The following SEPTIN2 variants were observed in gnomAD, a reference collection of about 807,000 sequenced individuals.
SEPTIN2 encodes the protein septin 2.
A neutral mutation model predicts 46.5 loss-of-function variants in SEPTIN2; 34 were observed. The observed-to-expected ratio is 0.73, with a 90% CI of 0.56 to 0.97. The LOEUF is 0.97. Ranked by LOEUF, SEPTIN2 falls within the 50% of genes least tolerant of loss-of-function variation. The pLI, the probability that SEPTIN2 is intolerant of heterozygous loss-of-function variation, is 0.00. For synonymous variants in SEPTIN2, 175 were observed against 153.4 expected (o/e 1.14, Z -1.04); for missense variants, 347 against 448.4 (o/e 0.77, Z 2.04).
At chr2:241,325,921 G>C (rs554943690) in intron 2 of SEPTIN2, 72 bp from the exon 3 acceptor site, 1 of 1,428,234 alleles carries the variant, frequency 7.0e-7, no homozygotes, top group African/African-American at 1.4e-5. Context: ...TTTGTTTCAT[G>C]TCTAACTGAT....
chr2:241,350,472 T>A (rs935130951), intron 12 of SEPTIN2, among the ~76,000 whole-genome samples: 17 of 152,226 alleles, frequency 1.1e-4, no homozygotes, highest in Non-Finnish European at 2.5e-4. Context: ...TTGCAGGTTA[T>A]TTTCTAAGCT....
intron 7 of SEPTIN2, among the ~76,000 whole-genome samples, chr2:241,338,899 A>G (rs1351207664): frequency 1.2e-5 from 1 of 81,004 alleles, no homozygotes; most frequent in Admixed American, 2.1e-4. Context: ...TATATTATAT[A>G]TATTATATAT....
chr2:241,345,547 A>G (rs765355361), intron 9 of SEPTIN2, among the ~76,000 whole-genome samples: 10 of 152,214 alleles, frequency 6.6e-5, no homozygotes, highest in Non-Finnish European at 1.0e-4. Context: ...ACGTGTTACA[A>G]TGTTTGCTCA....
chr2:241,316,613 G>T (rs1283629501), intron 1 of SEPTIN2: 6 of 1,289,842 alleles, frequency 4.7e-6, no homozygotes, highest in Non-Finnish European at 6.2e-6. Context: ...GTTGGCCCGG[G>T]GATGAGGAGC....
At chr2:241,341,171 A>G (rs779145409) in intron 7 of SEPTIN2, among the ~76,000 whole-genome samples, 1 of 152,052 alleles carries the variant, frequency 6.6e-6, no homozygotes, top group East Asian at 1.9e-4. Flanking sequence ...TTTTGATCAC[A>G]TTATTTCTGT....
At chr2:241,337,325 T>C in intron 5 of SEPTIN2, 57 bp from the exon 6 acceptor site, 1 of 1,490,136 alleles carries the variant, frequency 6.7e-7, no homozygotes. Context: ...CCCTTTGAAG[T>C]CAGGGACCCC....
At chr2:241,338,063 C>G (rs538022356) in intron 7 of SEPTIN2, among the ~76,000 whole-genome samples, 31 of 152,282 alleles carry the variant, frequency 2.0e-4, no homozygotes, top group Middle Eastern at 3.4e-3. Context: ...CAAGTACCTT[C>G]CATGGGAGTT....
At chr2:241,329,172 C>T (rs2149957893) in intron 3 of SEPTIN2, among the ~76,000 whole-genome samples, 1 of 151,860 alleles carries the variant, frequency 6.6e-6, no homozygotes, top group Middle Eastern at 3.4e-3. Flanking sequence ...GTTGCCCAGG[C>T]TGGAGTGCAG....
chr2:241,319,307 A>G (rs556047826), intron 1 of SEPTIN2, among the ~76,000 whole-genome samples: 70 of 152,344 alleles, frequency 4.6e-4, no homozygotes, highest in African/African-American at 1.6e-3. Context: ...TATTTGCTTC[A>G]TAATCATCCA....
Position 241,338,498 on chromosome 2 carries a change from GGGATACAGCAGGGGGTTCAGGCAGGA to G in SEPTIN2, c.594+713_594+738del, listed in dbSNP as rs1365459641. ...ATCACAGTTGCTGGGGCAGGGTAGG[GGGATACAGCAGGGGGTTCAGGCAGGA>G]GGATCACTTGAGCCCAGAAGTTGGA... On this transcript the variant is annotated intron_variant, in intron 7 of 12. Coordinates refer to ENST00000391971, the MANE Select transcript of SEPTIN2 (RefSeq NM_004404.5). 3.3e-5 allele frequency among the ~76,000 whole-genome samples: 5 copies of G among 149,290 alleles called. No homozygotes were observed. The East Asian group carries it at 9.7e-4, about 29-fold the overall frequency.
At position 241,345,472 on chromosome 2, in the gene SEPTIN2, A is replaced by G. The variant is rs538719398; in HGVS notation, c.843-694A>G. 2.0e-3 allele frequency among the ~76,000 whole-genome samples: 309 copies of G among 152,320 alleles called. No individual in the cohort carries two copies. The Middle Eastern group carries it at 0.027, about 13-fold the overall frequency. On this transcript the variant is annotated intron_variant, in intron 9 of 12. Transcript: ENST00000391971. ...TAGTGTCAGTTGTGTGTTTCTCACA[A>G]TGAGGTAGAGTGAGCCACTCCTTGG...
chr2:241,317,311 C>T (rs959750091), intron 1 of SEPTIN2, among the ~76,000 whole-genome samples: 1 of 151,962 alleles, frequency 6.6e-6, no homozygotes, highest in African/African-American at 2.4e-5. Context: ...ATTTTTTTTC[C>T]TCAACTTCCA....
At chr2:241,334,147 T>G (rs962310093) in intron 3 of SEPTIN2, among the ~76,000 whole-genome samples, 1 of 152,190 alleles carries the variant, frequency 6.6e-6, no homozygotes, top group African/African-American at 2.4e-5. Context: ...GTGCTGGGAT[T>G]ATAGGTGTGA....
chr2:241,349,929 A>T (rs2060633504), intron 11 of SEPTIN2, 144 bp from the exon 12 acceptor site: 5 of 685,756 alleles, frequency 7.3e-6, no homozygotes, highest in South Asian at 3.5e-5. Flanking sequence ...TTTTTTATTG[A>T]TTGGTAAAAA....
At chr2:241,345,923 C>T (rs1559663912) in intron 9 of SEPTIN2, among the ~76,000 whole-genome samples, 4 of 152,170 alleles carry the variant, frequency 2.6e-5, no homozygotes, top group Admixed American at 2.0e-4. Context: ...CAGAAATCCC[C>T]CTGAGAGACT....
Position 241,346,250 on chromosome 2 carries a change from G to A in SEPTIN2, c.926+1G>A. Reference sequence around the variant, plus strand: ...CTGAGAGACTCAAGAGAGGCGGCAGGTCATCACACTGTGCCCCTTTCTCTG... The same window carrying A: ...CTGAGAGACTCAAGAGAGGCGGCAGATCATCACACTGTGCCCCTTTCTCTG... On this transcript the variant is annotated splice_donor_variant, in intron 10 of 12. Coordinates refer to ENST00000391971, the MANE Select transcript of SEPTIN2 (RefSeq NM_004404.5). LOFTEE classifies it high-confidence loss of function. 6.2e-7 allele frequency: 1 copy of A among 1,613,044 alleles called. No individual in the cohort carries two copies. Among genetic ancestry groups the A allele is most frequent in the Non-Finnish European group, 8.5e-7 (1 of 1,179,222 alleles).
intron 7 of SEPTIN2, among the ~76,000 whole-genome samples, chr2:241,341,743 A>G (rs750577279): frequency 2.6e-5 from 4 of 152,196 alleles, no homozygotes; most frequent in Non-Finnish European, 4.4e-5. Flanking sequence ...AAGGCTTTCC[A>G]TTCTTAAAAA....
chr2:241,349,251 C>T (rs2060556103), intron 11 of SEPTIN2, among the ~76,000 whole-genome samples: 1 of 151,922 alleles, frequency 6.6e-6, no homozygotes, highest in African/African-American at 2.4e-5. Context: ...CACCTGTAGT[C>T]CCAGCTACTC....
intron 3 of SEPTIN2, 74 bp downstream of exon 3, chr2:241,326,187 G>C (rs890430977): frequency 7.1e-7 from 1 of 1,409,864 alleles, no homozygotes; most frequent in Non-Finnish European, 9.6e-7. Flanking sequence ...GTATGATAAC[G>C]TGACCTATAA....
Sources: allele counts gnomAD v4.1 joint callset (sites outside exome capture counted in the v4.1 genomes callset), GRCh38; gene constraint gnomAD v4.1.1; transcripts MANE v1.5; gene names NCBI Gene and HGNC (gene_info 2026-07-23, HGNC 2026-07-21).